Variants in ATRNL1 observed in about 807,000 individuals in gnomAD.
ATRNL1 encodes attractin like 1.
In ATRNL1, 95 loss-of-function variants were observed where a neutral mutation model predicts 182.7. The observed-to-expected ratio is 0.52, with a 90% CI of 0.44 to 0.62. The LOEUF (loss-of-function observed/expected upper bound fraction) is 0.62, where lower values mean the gene tolerates loss of function less well. ATRNL1 is among the 20% of genes least tolerant of loss of function. The pLI is 0.00. For synonymous variants in ATRNL1, 576 were observed against 568.3 expected (o/e 1.01, Z -0.19); for missense variants, 1,471 against 1,679.5 (o/e 0.88, Z 2.17).
At chr10:115,816,189 A>G (rs1950160571) in intron 27 of ATRNL1, among the ~76,000 whole-genome samples, 1 of 152,164 alleles carries the variant, frequency 6.6e-6, no homozygotes, top group Admixed American at 6.6e-5. Flanking sequence ...AGATTCTTTG[A>G]GTCTGTGGCC....
rs142301136 is a variant in ATRNL1 at position 115,227,766 on chromosome 10, G to A, written c.1532+11886G>A. ...GAAGAGTGAAATCTTGTCTTTTGCA[G>A]CAACATGGATGCAGTTGGAGGCCAT... On this transcript the variant is annotated intron_variant, in intron 9 of 28. Coordinates refer to ENST00000355044, the MANE Select transcript of ATRNL1 (RefSeq NM_207303.4). Among the ~76,000 whole-genome samples the A allele has an allele frequency of 4.8e-3, 730 of 152,248 alleles. 5 individuals carry two copies. Among genetic ancestry groups the A allele is most frequent in the African/African-American group, 0.015 (642 of 41,566 alleles).
At chr10:115,505,601 C>A (rs1315531510) in intron 24 of ATRNL1, among the ~76,000 whole-genome samples, 1 of 151,662 alleles carries the variant, frequency 6.6e-6, no homozygotes, top group African/African-American at 2.4e-5. Context: ...TATTTTAGGT[C>A]CCACATGTAG....
At chr10:115,766,824 A>G (rs150897755) in intron 27 of ATRNL1, among the ~76,000 whole-genome samples, 12 of 152,296 alleles carry the variant, frequency 7.9e-5, no homozygotes, top group Admixed American at 5.2e-4. Flanking sequence ...AATTATATCA[A>G]CTGGCCTTGA....
chr10:115,336,185 G>T (rs1176650790), intron 19 of ATRNL1, among the ~76,000 whole-genome samples: 3 of 152,144 alleles, frequency 2.0e-5, no homozygotes, highest in Non-Finnish European at 1.5e-5. Flanking sequence ...GCTAGTTAGA[G>T]TAAGAAAATG....
intron 26 of ATRNL1, among the ~76,000 whole-genome samples, chr10:115,585,384 A>G (rs1198385828): frequency 1.7e-5 from 2 of 115,080 alleles, no homozygotes; most frequent in South Asian, 2.8e-4. Context: ...GTGGGAGTCT[A>G]AGTCTCTTTG....
chr10:115,193,715 C>G (rs550553852), intron 8 of ATRNL1, among the ~76,000 whole-genome samples: 68 of 151,560 alleles, frequency 4.5e-4, no homozygotes, highest in African/African-American at 1.5e-3. Context: ...CTGCTCTGAT[C>G]TTTATTATTT....
chr10:115,292,433 T>C (rs948595676), intron 15 of ATRNL1, among the ~76,000 whole-genome samples: 4 of 151,952 alleles, frequency 2.6e-5, no homozygotes, highest in African/African-American at 9.7e-5. Context: ...TGCTAATTCT[T>C]TGTGATGCAA....
chr10:115,729,410 T>A (rs1481197898), intron 27 of ATRNL1, among the ~76,000 whole-genome samples: 1 of 152,144 alleles, frequency 6.6e-6, no homozygotes, highest in African/African-American at 2.4e-5. Flanking sequence ...TTAGCTTTTT[T>A]ATTTTTTCAT....
chr10:115,335,858 G>T (rs1235032185), intron 19 of ATRNL1, among the ~76,000 whole-genome samples: 1 of 151,810 alleles, frequency 6.6e-6, no homozygotes, highest in Non-Finnish European at 1.5e-5. Context: ...GAATATTTTT[G>T]ATCTGCTGTT....
chr10:115,221,005 A>G (rs910426156), intron 9 of ATRNL1, among the ~76,000 whole-genome samples: 2 of 152,168 alleles, frequency 1.3e-5, no homozygotes. Context: ...AAGCCCTATC[A>G]TCATCACCTC....
At chr10:115,926,337 A>G (rs1953230532) in intron 28 of ATRNL1, among the ~76,000 whole-genome samples, 1 of 152,090 alleles carries the variant, frequency 6.6e-6, no homozygotes, top group South Asian at 2.1e-4. Flanking sequence ...CCCTAATATC[A>G]CAATTAAAAG....
At chr10:115,917,632 A>G (rs1293351075) in intron 28 of ATRNL1, among the ~76,000 whole-genome samples, 1 of 152,266 alleles carries the variant, frequency 6.6e-6, no homozygotes, top group African/African-American at 2.4e-5. Context: ...ATTTAAATGG[A>G]TAACATCCTT....
chr10:115,638,044 A>G (rs1264851039), intron 26 of ATRNL1, among the ~76,000 whole-genome samples: 2 of 152,186 alleles, frequency 1.3e-5, no homozygotes, highest in East Asian at 1.9e-4. Flanking sequence ...AGTAGTATAC[A>G]TTAATGTCCT....
chr10:115,874,748 G>C (rs1951663026), intron 28 of ATRNL1, among the ~76,000 whole-genome samples: 1 of 152,186 alleles, frequency 6.6e-6, no homozygotes, highest in Admixed American at 6.5e-5. Context: ...TCTAAGTGGA[G>C]AGTCACATGA....
intron 24 of ATRNL1, among the ~76,000 whole-genome samples, chr10:115,513,042 ATTTG>A (rs1850466111): frequency 6.6e-6 from 1 of 151,776 alleles, no homozygotes; most frequent in Non-Finnish European, 1.5e-5. Context: ...TTTTTTTGCG[ATTTG>A]TTTTTTTGTT....
chr10:115,487,272 G>A (rs1486790482), intron 24 of ATRNL1, among the ~76,000 whole-genome samples: 2 of 151,906 alleles, frequency 1.3e-5, no homozygotes, highest in South Asian at 2.1e-4. Context: ...TTCCAGTTCT[G>A]TGAAGAAAGT....
At chr10:115,483,795 T>A (rs1335425177) in intron 24 of ATRNL1, among the ~76,000 whole-genome samples, 1 of 151,676 alleles carries the variant, frequency 6.6e-6, no homozygotes, top group Non-Finnish European at 1.5e-5. Flanking sequence ...ATATGCTAGG[T>A]CAATGTTTTT....
intron 26 of ATRNL1, among the ~76,000 whole-genome samples, chr10:115,694,172 G>GCACACACA (rs71010040): frequency 6.8e-5 from 10 of 146,932 alleles, no homozygotes; most frequent in African/African-American, 2.0e-4. Context: ...CTACACAGAC[G>GCACACACA]CACACACACA....
At chr10:115,412,297 A>C (rs1554960093) in intron 20 of ATRNL1, among the ~76,000 whole-genome samples, 2 of 152,108 alleles carry the variant, frequency 1.3e-5, no homozygotes, top group African/African-American at 4.8e-5. Context: ...AACCTGAGGG[A>C]AAATAGAAGC....
Sources: allele counts gnomAD v4.1 joint callset (sites outside exome capture counted in the v4.1 genomes callset), GRCh38; gene constraint gnomAD v4.1.1; transcripts MANE v1.5; gene names NCBI Gene and HGNC (gene_info 2026-07-23, HGNC 2026-07-21).